The following CAMK2D variants were observed in gnomAD, a reference collection of about 807,000 sequenced individuals.
The protein encoded by CAMK2D is calcium/calmodulin-dependent protein kinase type II subunit delta.
Under a neutral mutation model 84.0 loss-of-function variants are expected in CAMK2D, and 37 were observed. That is an observed-to-expected ratio of 0.44 (90% confidence interval 0.34 to 0.58). The LOEUF (loss-of-function observed/expected upper bound fraction) is 0.58. Among genes scored for constraint, CAMK2D ranks in the 20% least tolerant of loss-of-function variants. The pLI is 0.02. For synonymous variants in CAMK2D, 202 were observed against 212.5 expected, an observed-to-expected ratio of 0.95 and a Z score of 0.43; for missense variants, 448 against 652.5, an observed-to-expected ratio of 0.69 and a Z score of 3.41.
At chr4:113,507,667 A>G (rs1448956036) in intron 13 of CAMK2D, among the ~76,000 whole-genome samples, 1 of 152,198 alleles carries the variant, frequency 6.6e-6, no homozygotes, top group Non-Finnish European at 1.5e-5. Flanking sequence ...TTAAAAAATC[A>G]TGAATCAATC....
chr4:113,487,456 ATAAT>A (rs2097776443), intron 16 of CAMK2D, among the ~76,000 whole-genome samples: 1 of 152,152 alleles, frequency 6.6e-6, no homozygotes, highest in Admixed American at 6.5e-5. Flanking sequence ...ACTCTAATAA[ATAAT>A]TTCAGAATTA....
rs368598118 is a variant in CAMK2D, at chr4:113,701,723, T to G, written c.161-39951A>C. 5.3e-5 allele frequency among the ~76,000 whole-genome samples: 8 copies of G among 152,282 alleles called. No homozygotes were observed. The East Asian group carries it at 1.2e-3, about 22-fold the overall frequency. On this transcript the variant is annotated intron_variant, in intron 2 of 20. Transcript: ENST00000511664. ...TATGTTGTTGTTGTTGTTTTGTTTT[T>G]TTTTGAAACAGGATCTCACTCTGTT...
chr4:113,511,170 A>G (rs1481515645), intron 12 of CAMK2D, among the ~76,000 whole-genome samples: 1 of 152,164 alleles, frequency 6.6e-6, no homozygotes, highest in Non-Finnish European at 1.5e-5. Context: ...TTATAACCAT[A>G]TACTTATGGA....
At chr4:113,470,645 G>GAAA (rs58054814) in intron 16 of CAMK2D, among the ~76,000 whole-genome samples, 8,645 of 139,420 alleles carry the variant, frequency 0.062, 512 homozygotes, top group East Asian at 0.21. Flanking sequence ...TCAAAAAAAA[G>GAAA]AAAAAAAAAA....
At chr4:113,705,031 C>A (rs1335333235) in intron 2 of CAMK2D, among the ~76,000 whole-genome samples, 1 of 151,714 alleles carries the variant, frequency 6.6e-6, no homozygotes, top group Admixed American at 6.6e-5. Flanking sequence ...CCAGAAATAC[C>A]TCTTCCTCCT....
At chr4:113,739,927 T>G (rs867736803) in intron 2 of CAMK2D, among the ~76,000 whole-genome samples, 57 of 152,172 alleles carry the variant, frequency 3.7e-4, no homozygotes, top group African/African-American at 1.4e-3. Context: ...ATAAGCAGTT[T>G]TTTAGCCCTT....
chr4:113,651,782 AG>A (rs1318631784), intron 3 of CAMK2D, among the ~76,000 whole-genome samples: 3 of 152,162 alleles, frequency 2.0e-5, no homozygotes, highest in African/African-American at 7.2e-5. Flanking sequence ...AAGAGAGAAA[AG>A]TAAAAGACTG....
chr4:113,509,021 A>T (rs1367074708), intron 13 of CAMK2D, among the ~76,000 whole-genome samples: 1 of 152,148 alleles, frequency 6.6e-6, no homozygotes, highest in Non-Finnish European at 1.5e-5. Context: ...AATCAGTAGG[A>T]AAGAAACTGT....
At chr4:113,587,489 G>A (rs1043664442) in intron 4 of CAMK2D, among the ~76,000 whole-genome samples, 8 of 152,074 alleles carry the variant, frequency 5.3e-5, no homozygotes, top group South Asian at 2.1e-4. Context: ...CTTTCACACC[G>A]TAACACTCAA....
intron 4 of CAMK2D, among the ~76,000 whole-genome samples, chr4:113,592,805 A>G (rs1216966735): frequency 6.6e-6 from 1 of 152,202 alleles, no homozygotes. Flanking sequence ...GTATTTTCAA[A>G]TCCAAACCAT....
rs1464805974 is a variant in CAMK2D at position 113,637,876 on chromosome 4, A to G, written c.220+23837T>C. Among the ~76,000 whole-genome samples, 7 of 152,278 alleles carry G rather than the reference A, an allele frequency of 4.6e-5. No homozygotes were observed. In the South Asian group the frequency reaches 1.5e-3, roughly 32 times the overall value. On this transcript the variant is annotated intron_variant, in intron 3 of 20. Transcript: ENST00000511664. ...TTTGAAATAATAATAAATACTAAAT[A>G]ATAATAAATACTAAATCTTTATACA...
At position 113,606,496 on chromosome 4, in the gene CAMK2D, GA is replaced by G. The variant is rs112614438; in HGVS notation, c.275+2655del. Among the ~76,000 whole-genome samples the G allele has an allele frequency of 7.5e-4, 95 of 126,626 alleles. 1 individual carries two copies. The Middle Eastern group carries it at 0.02, about 26-fold the overall frequency. 83.1% of individuals were successfully genotyped at this position (126,626 alleles called of 152,430 possible). A position where few individuals can be genotyped will look rare whatever the true frequency, so the allele number is the denominator to read the frequency against. On this transcript the variant is annotated intron_variant, in intron 4 of 20. Coordinates refer to ENST00000511664, the MANE Select transcript of CAMK2D (RefSeq NM_001321571.2). Reference sequence around the variant, plus strand: ...GGTGACAGAGTGAGACTCTGTCTCAGAAAAAAAAAAAAACAACAGAGGAAAG... The same window carrying G: ...GGTGACAGAGTGAGACTCTGTCTCAGAAAAAAAAAAAACAACAGAGGAAAG...
At chr4:113,662,807 G>C (rs1486780617) in intron 2 of CAMK2D, among the ~76,000 whole-genome samples, 2 of 152,134 alleles carry the variant, frequency 1.3e-5, no homozygotes, top group Non-Finnish European at 2.9e-5. Flanking sequence ...TTTGGAAATA[G>C]TTTTGACCTT....
chr4:113,606,803 C>T (rs192808185), intron 4 of CAMK2D, among the ~76,000 whole-genome samples: 60 of 152,074 alleles, frequency 3.9e-4, no homozygotes, highest in African/African-American at 1.3e-3. Context: ...TAAGTAAACT[C>T]CAAAAAATCC....
intron 2 of CAMK2D, among the ~76,000 whole-genome samples, chr4:113,685,791 C>T (rs187430928): frequency 4.7e-4 from 72 of 152,104 alleles, no homozygotes; most frequent in African/African-American, 1.5e-3. Context: ...GGGCCAGGCA[C>T]GGTGGCTCAT....
At chr4:113,729,366 C>T (rs73844663) in intron 2 of CAMK2D, among the ~76,000 whole-genome samples, 2,023 of 152,266 alleles carry the variant, frequency 0.013, 45 homozygotes, top group African/African-American at 0.047. Flanking sequence ...ATAGCTTTTG[C>T]TTACCAATCC....
intron 2 of CAMK2D, among the ~76,000 whole-genome samples, chr4:113,709,520 G>A (rs2099480721): frequency 6.6e-6 from 1 of 151,570 alleles, no homozygotes; most frequent in East Asian, 1.9e-4. Flanking sequence ...GAAAGGTACA[G>A]GGTGGAATGA....
At chr4:113,649,376 C>A (rs1031430673) in intron 3 of CAMK2D, among the ~76,000 whole-genome samples, 6 of 152,210 alleles carry the variant, frequency 3.9e-5, no homozygotes, top group Admixed American at 2.6e-4. Flanking sequence ...TTATTATTCT[C>A]AATCAACTTT....
chr4:113,495,065 G>A (rs563032799), intron 16 of CAMK2D, among the ~76,000 whole-genome samples: 17 of 152,242 alleles, frequency 1.1e-4, no homozygotes, highest in Admixed American at 5.2e-4. Flanking sequence ...AGATGAACCC[G>A]GTACCTCAGA....
Sources: gnomAD v4.1 joint callset for allele counts (sites outside exome capture counted in the v4.1 genomes callset) on GRCh38, gnomAD v4.1.1 for gene constraint, MANE v1.5 for transcripts, NCBI Gene and HGNC (gene_info 2026-07-23, HGNC 2026-07-21) for gene names.